The following PARG variants were observed in gnomAD, a reference collection of about 807,000 sequenced individuals.
PARG encodes the protein mitochondrial poly(ADP-ribose) glycohydrolase.
PARG carries 35 observed loss-of-function variants against 113.0 expected under a neutral mutation model. The ratio of observed to expected loss-of-function variants is 0.31; its 90% CI spans 0.24 to 0.41. PARG has a LOEUF of 0.41. Among genes scored for constraint, PARG ranks in the 10% least tolerant of loss-of-function variants. The pLI is 1.00. For missense variants in PARG, 797 were observed against 1,169.4 expected, an observed-to-expected ratio of 0.68 and a Z score of 4.64; for synonymous variants, 330 against 409.9, an observed-to-expected ratio of 0.81 and a Z score of 2.36.
intron 13 of PARG, among the ~76,000 whole-genome samples, chr10:49,854,714 G>A (rs1265588566): frequency 7.4e-6 from 1 of 134,748 alleles, no homozygotes; most frequent in Non-Finnish European, 1.6e-5. Context: ...AGACTTCATT[G>A]AGACTTATTA....
chr10:49,820,230 T>G lies in PARG; in HGVS notation c.2711A>C (p.Asp904Ala). 6.5e-7 allele frequency: 1 copy of G among 1,543,150 alleles called. No homozygotes were observed. The highest frequency in any genetic ancestry group is 8.8e-7 in the Non-Finnish European group (1 of 1,139,230). Residue 904 changes from aspartate to alanine, a missense_variant, in exon 17 of 18, where the codon GAC becomes GCC. Around this residue, in one of 5 missense-constraint regions of PARG, gnomAD observed 194 missense variants for 247.1 expected, o/e 0.79. Coordinates refer to ENST00000616448, the MANE Select transcript of PARG (RefSeq NM_003631.5). ...ERDVVYFTFG[D>A]SELMRDIYSM... ...GTAAATGTCTCTCATCAATTCTGAG[T>G]CCCCAAAGGTGAAATAAACCACATC...
chr10:49,825,034 T>C (rs1844284095), intron 16 of PARG, among the ~76,000 whole-genome samples: 1 of 152,106 alleles, frequency 6.6e-6, no homozygotes, highest in Non-Finnish European at 1.5e-5. Flanking sequence ...TAGTACAGAT[T>C]TGAAAGTACT....
intron 1 of PARG, among the ~76,000 whole-genome samples, chr10:49,939,556 T>G (rs1257775486): frequency 6.6e-6 from 1 of 152,224 alleles, no homozygotes. Context: ...TTCTAAAATA[T>G]TAACCAAATG....
intron 15 of PARG, among the ~76,000 whole-genome samples, chr10:49,836,057 A>C (rs954260600): frequency 1.3e-5 from 2 of 152,188 alleles, no homozygotes; most frequent in African/African-American, 4.8e-5. Flanking sequence ...TAGGTTGTGT[A>C]AAGTGACATG....
rs148478462 is a variant in PARG, at chr10:49,832,946, T to C, written c.2542-38A>G. On this transcript the variant is annotated intron_variant, in intron 15 of 17. Transcript: ENST00000616448. ...AGAATTATCAAAGCCTGTGAGTGCC[T>C]AGACACTAACAGTGTTTCTGACTGA... 8.1e-4 allele frequency: 854 copies of C among 1,053,392 alleles called. 5 individuals carry two copies. Among genetic ancestry groups the C allele is most frequent in the African/African-American group, 3.4e-3 (213 of 63,064 alleles). 65.3% of individuals were successfully genotyped at this position (1,053,392 alleles called of 1,614,324 possible). A position where few individuals can be genotyped will look rare whatever the true frequency, so the allele number is the denominator to read the frequency against.
intron 7 of PARG, among the ~76,000 whole-genome samples, chr10:49,912,119 G>A (rs1212543193): frequency 1.3e-5 from 2 of 151,952 alleles, no homozygotes. Flanking sequence ...GGCCAATATA[G>A]TGAAACCCTG....
chr10:49,899,936 A>G (rs1439669951), intron 7 of PARG, among the ~76,000 whole-genome samples: 5 of 152,240 alleles, frequency 3.3e-5, no homozygotes, highest in Admixed American at 1.3e-4. Flanking sequence ...TAGATAAATG[A>G]AATATACCGA....
chr10:49,923,080 A>G (rs1327095418), intron 4 of PARG, among the ~76,000 whole-genome samples: 7 of 152,332 alleles, frequency 4.6e-5, no homozygotes, highest in Non-Finnish European at 1.0e-4. Flanking sequence ...CATTCATTCC[A>G]AACAAATCTT....
Position 49,819,213 on chromosome 10 carries a change from T to A in PARG, c.*127A>T. On this transcript the variant is annotated 3_prime_UTR_variant, in exon 18 of 18. Coordinates refer to ENST00000616448, the MANE Select transcript of PARG (RefSeq NM_003631.5). ...CTGCACATGTGTGGAAGAGATTGCG[T>A]CCTTGACTACAAATGTGGATTATGT... 1 of 741,274 alleles carries A rather than the reference T, an allele frequency of 1.3e-6. No individual in the cohort carries two copies. 45.9% of individuals were successfully genotyped at this position (741,274 alleles called of 1,614,324 possible).
Position 49,941,836 on chromosome 10 carries a change from C to T in PARG, c.-111G>A, listed in dbSNP as rs1235403293. 6.5e-5 allele frequency: 99 copies of T among 1,528,838 alleles called. No homozygotes were observed. The highest frequency in any genetic ancestry group is 7.5e-5 in the Non-Finnish European group (86 of 1,140,692). 94.7% of individuals were successfully genotyped at this position (1,528,838 alleles called of 1,614,324 possible). ...TTCTCAGCGCCTGCCTGCACCATTC[C>T]CTCTCTGCCGCTGCCTGCTTCTGCA... On this transcript the variant is annotated 5_prime_UTR_variant, in exon 1 of 18. Transcript: ENST00000616448.
At chr10:49,891,643 T>C (rs1554841619) in intron 7 of PARG, among the ~76,000 whole-genome samples, 1 of 119,126 alleles carries the variant, frequency 8.4e-6, no homozygotes, top group African/African-American at 3.3e-5. Context: ...TTTTTTTTTT[T>C]TTTTGAGATA....
In PARG at chr10:49,870,081, T is replaced by C. The variant is rs1554837641; in HGVS notation, c.1989-526A>G. Among the ~76,000 whole-genome samples the C allele has an allele frequency of 2.0e-5, 3 of 152,150 alleles. 1 individual carries two copies. Among genetic ancestry groups the C allele is most frequent in the Non-Finnish European group, 4.4e-5 (3 of 68,006 alleles). Reference sequence around the variant, plus strand: ...TTAATTAAACAACTAGATTCTTTTATGGACTGAATGTTTGTGACCTCTCAA... The same window carrying C: ...TTAATTAAACAACTAGATTCTTTTACGGACTGAATGTTTGTGACCTCTCAA... On this transcript the variant is annotated intron_variant, in intron 9 of 17. Coordinates refer to ENST00000616448, the MANE Select transcript of PARG (RefSeq NM_003631.5).
At chr10:49,935,201 T>A in intron 1 of PARG, 59 bp from the exon 2 acceptor site, 1 of 671,230 alleles carries the variant, frequency 1.5e-6, no homozygotes, top group Non-Finnish European at 2.7e-6. Context: ...TACAGCATAT[T>A]GTACATGCAA....
At chr10:49,847,470 A>C (rs1845566886) in intron 13 of PARG, among the ~76,000 whole-genome samples, 1 of 152,134 alleles carries the variant, frequency 6.6e-6, no homozygotes, top group Non-Finnish European at 1.5e-5. Flanking sequence ...ATTCCTACCG[A>C]AATGAATAAC....
chr10:49,934,804 A>G, intron 2 of PARG, among the ~76,000 whole-genome samples: 1 of 151,620 alleles, frequency 6.6e-6, no homozygotes, highest in Non-Finnish European at 1.5e-5. Context: ...AGCCGAGATC[A>G]CGCCACTACA....
At chr10:49,904,799 C>T (rs1335088955) in intron 7 of PARG, among the ~76,000 whole-genome samples, 1 of 152,056 alleles carries the variant, frequency 6.6e-6, no homozygotes, top group East Asian at 1.9e-4. Context: ...GCCTGTAATC[C>T]CAGCTACTCA....
chr10:49,857,009 CAAAAAAAA>C (rs71270682), intron 13 of PARG, among the ~76,000 whole-genome samples: 2 of 74,620 alleles, frequency 2.7e-5, no homozygotes, highest in East Asian at 4.9e-4. Flanking sequence ...ACCTCTGTCT[CAAAAAAAA>C]AAAAAAAAAA....
intron 16 of PARG, among the ~76,000 whole-genome samples, chr10:49,831,939 G>C (rs12774346): frequency 2.6e-5 from 4 of 152,018 alleles, no homozygotes; most frequent in Non-Finnish European, 5.9e-5. Flanking sequence ...AGTCTGAAGT[G>C]GGGGCAGTCT....
chr10:49,919,421 A>G (rs1837676214), intron 6 of PARG, among the ~76,000 whole-genome samples: 1 of 152,246 alleles, frequency 6.6e-6, no homozygotes, highest in African/African-American at 2.4e-5. Flanking sequence ...CAATGGCCAA[A>G]TAACAACACG....
Sources: gnomAD v4.1 joint callset for allele counts (sites outside exome capture counted in the v4.1 genomes callset) on GRCh38, gnomAD v4.1.1 for gene constraint, gnomAD v4.1.1 regional missense constraint, MANE v1.5 for transcripts, NCBI Gene and HGNC (gene_info 2026-07-23, HGNC 2026-07-21) for gene names.